MCC: variants seen among roughly 807,000 people sequenced by gnomAD.
MCC encodes the protein MCC regulator of Wnt signaling pathway, also known as colorectal mutant cancer protein.
A neutral mutation model predicts 116.2 loss-of-function variants in MCC; 90 were observed. That is an observed-to-expected ratio of 0.77 (90% CI 0.65 to 0.92). MCC has a LOEUF of 0.92. Among genes scored for constraint, MCC ranks in the 40% least tolerant of loss-of-function variants. MCC has a pLI of 0.00. For missense variants in MCC, 1,516 were observed against 1,312.2 expected (o/e 1.16, Z -2.40); for synonymous variants, 578 against 510.5 (o/e 1.13, Z -1.78).
intron 17 of MCC, among the ~76,000 whole-genome samples, chr5:113,037,824 G>A (rs1751422081): frequency 6.6e-6 from 1 of 152,172 alleles, no homozygotes; most frequent in African/African-American, 2.4e-5. Flanking sequence ...CAAAGGGTGT[G>A]CTCTTGGAAA....
chr5:113,386,765 A>G (rs1769267111), intron 1 of MCC, among the ~76,000 whole-genome samples: 5 of 150,488 alleles, frequency 3.3e-5, no homozygotes. Context: ...ATATATATAT[A>G]TATATATATG....
At chr5:113,263,553 C>T (rs1258209033) in intron 3 of MCC, among the ~76,000 whole-genome samples, 1 of 152,180 alleles carries the variant, frequency 6.6e-6, no homozygotes, top group Non-Finnish European at 1.5e-5. Context: ...CTGAAATGTA[C>T]ACATTTTCAG....
intron 3 of MCC, among the ~76,000 whole-genome samples, chr5:113,178,286 A>G (rs1761440943): frequency 6.6e-6 from 1 of 152,200 alleles, no homozygotes; most frequent in African/African-American, 2.4e-5. Flanking sequence ...GGACCATCTC[A>G]GTAGCTCTGA....
intron 8 of MCC, among the ~76,000 whole-genome samples, chr5:113,093,451 TTATC>T (rs1311328860): frequency 6.6e-6 from 1 of 151,090 alleles, no homozygotes; most frequent in Non-Finnish European, 1.5e-5. Flanking sequence ...CATATCTATC[TTATC>T]TATCTATCTG....
intron 3 of MCC, among the ~76,000 whole-genome samples, chr5:113,154,161 A>C (rs750199080): frequency 8.5e-5 from 13 of 152,130 alleles, no homozygotes; most frequent in Non-Finnish European, 1.6e-4. Flanking sequence ...TTCCTGAGTT[A>C]TTTCTGTATT....
chr5:113,308,952 T>C (rs968280354), intron 3 of MCC, among the ~76,000 whole-genome samples: 2 of 152,246 alleles, frequency 1.3e-5, no homozygotes, highest in Admixed American at 6.5e-5. Context: ...AAAATCTTCC[T>C]CCATTGCTAT....
chr5:113,313,040 A>G (rs1009158153), intron 3 of MCC, among the ~76,000 whole-genome samples: 3 of 152,122 alleles, frequency 2.0e-5, no homozygotes, highest in African/African-American at 7.2e-5. Flanking sequence ...AATATGAGCA[A>G]TGTGCTTTAA....
At chr5:113,129,605 G>T (rs971381578) in intron 5 of MCC, among the ~76,000 whole-genome samples, 2 of 152,122 alleles carry the variant, frequency 1.3e-5, no homozygotes, top group Non-Finnish European at 2.9e-5. Context: ...GAATATACAT[G>T]CAAGCCGTCT....
chr5:113,116,750 C>T (rs1757420021), intron 6 of MCC, among the ~76,000 whole-genome samples: 1 of 152,202 alleles, frequency 6.6e-6, no homozygotes, highest in African/African-American at 2.4e-5. Context: ...TCTGGAATGA[C>T]TTCAGGGGGT....
intron 3 of MCC, among the ~76,000 whole-genome samples, chr5:113,295,738 G>A (rs1001309518): frequency 6.6e-6 from 1 of 152,114 alleles, no homozygotes; most frequent in African/African-American, 2.4e-5. Context: ...GGGGAAGAGG[G>A]GAACTAGGAT....
intron 1 of MCC, among the ~76,000 whole-genome samples, chr5:113,410,289 G>A (rs1274660354): frequency 2.0e-5 from 3 of 152,086 alleles, no homozygotes; most frequent in Non-Finnish European, 4.4e-5. Context: ...ATATTATGTT[G>A]TATCTATACA....
intron 2 of MCC, among the ~76,000 whole-genome samples, chr5:113,347,434 G>T (rs955066607): frequency 1.8e-4 from 28 of 151,712 alleles, no homozygotes; most frequent in African/African-American, 6.8e-4. Context: ...AAAAATAATG[G>T]GTTATGTATA....
At chr5:113,288,499 G>A (rs139911465) in intron 3 of MCC, among the ~76,000 whole-genome samples, 6 of 152,206 alleles carry the variant, frequency 3.9e-5, no homozygotes, top group African/African-American at 9.6e-5. Context: ...CCTTATCGAC[G>A]AATCTGCTTT....
intron 3 of MCC, among the ~76,000 whole-genome samples, chr5:113,317,516 C>T (rs1158211807): frequency 6.6e-6 from 1 of 152,122 alleles, no homozygotes; most frequent in African/African-American, 2.4e-5. Flanking sequence ...TGTTTCATGA[C>T]TGATAGTATC....
At chr5:113,229,239 G>C (rs1262666024) in intron 3 of MCC, among the ~76,000 whole-genome samples, 2 of 152,158 alleles carry the variant, frequency 1.3e-5, no homozygotes, top group Admixed American at 1.3e-4. Context: ...ACAGCCAAGA[G>C]ACAGCTGTGT....
At chr5:113,209,591 G>T (rs1247989486) in intron 3 of MCC, among the ~76,000 whole-genome samples, 1 of 152,162 alleles carries the variant, frequency 6.6e-6, no homozygotes, top group Non-Finnish European at 1.5e-5. Context: ...AATTTCTTCT[G>T]GGAAAATATT....
At chr5:113,484,833 C>T (rs1279492133) in intron 1 of MCC, among the ~76,000 whole-genome samples, 1 of 152,104 alleles carries the variant, frequency 6.6e-6, no homozygotes, top group African/African-American at 2.4e-5. Flanking sequence ...GAGTAACCTC[C>T]ACCACCTTCT....
intron 2 of MCC, among the ~76,000 whole-genome samples, chr5:113,384,286 A>C (rs568823701): frequency 6.6e-6 from 1 of 152,352 alleles, no homozygotes; most frequent in South Asian, 2.1e-4. Context: ...TTTTAATCTT[A>C]AATTTAAAAA....
rs1554087739 is a variant in MCC at position 113,488,345 on chromosome 5, T to TGCCGCTGCCGCC, written c.58_69dup (p.Gly20_Gly23dup). The TGCCGCTGCCGCC allele has an allele frequency of 5.3e-6, 8 of 1,498,658 alleles. No homozygotes were observed. In the Admixed American group the frequency reaches 6.3e-5, roughly 12 times the overall value. The allele number at this position is 1,498,658 out of a possible 1,614,324, so 92.8% of individuals were successfully genotyped here. A position where few individuals can be genotyped will look rare whatever the true frequency, so the allele number is the denominator to read the frequency against. On this transcript the variant is annotated inframe_insertion, in exon 1 of 19. Coordinates refer to ENST00000408903, the MANE Select transcript of MCC (RefSeq NM_001085377.2). The stretch of plus-strand genomic sequence containing the variant: ...GACGTGTCGCTGCTGCTGCTGCTGC[T>TGCCGCTGCCGCC]GCCGCTGCCGCCGCCGCCGCCGCCG...
Sources: gnomAD v4.1 joint callset for allele counts (sites outside exome capture counted in the v4.1 genomes callset) on GRCh38, gnomAD v4.1.1 for gene constraint, MANE v1.5 for transcripts, NCBI Gene and HGNC (gene_info 2026-07-23, HGNC 2026-07-21) for gene names.